PDE3A: variants seen among roughly 807,000 people sequenced by gnomAD.
PDE3A encodes cGMP-inhibited 3',5'-cyclic phosphodiesterase 3A.
In PDE3A, 43 loss-of-function variants were observed where a neutral mutation model predicts 98.3. The observed-to-expected ratio is 0.44, with a 90% confidence interval of 0.34 to 0.56. The LOEUF is 0.56. Ranked by LOEUF, PDE3A falls within the 20% of genes least tolerant of loss-of-function variation. The probability of loss-of-function intolerance (pLI) is 0.01; values close to 1 mark genes in which losing one functional copy is unlikely to be tolerated. For synonymous variants in PDE3A, 663 were observed against 567.9 expected (o/e 1.17, Z -2.38); for missense variants, 1,427 against 1,440.7 (o/e 0.99, Z 0.15).
intron 1 of PDE3A, among the ~76,000 whole-genome samples, chr12:20,401,176 C>T (rs4762954): frequency 0.55 from 83,433 of 151,944 alleles, 23,088 homozygotes; most frequent in East Asian, 0.64. Flanking sequence ...CGTATCACTT[C>T]GTAGTTGGAT....
At chr12:20,482,940 T>A (rs1945656650) in intron 1 of PDE3A, among the ~76,000 whole-genome samples, 1 of 152,216 alleles carries the variant, frequency 6.6e-6, no homozygotes, top group African/African-American at 2.4e-5. Context: ...AAGTACGATA[T>A]GACGTAGGAA....
At chr12:20,587,648 T>C (rs570103747) in intron 2 of PDE3A, among the ~76,000 whole-genome samples, 36 of 152,330 alleles carry the variant, frequency 2.4e-4, no homozygotes, top group African/African-American at 8.4e-4. Flanking sequence ...TCGGAAAATA[T>C]ATAAATGTAC....
intron 5 of PDE3A, among the ~76,000 whole-genome samples, chr12:20,622,421 T>C (rs1434507958): frequency 6.6e-6 from 1 of 152,200 alleles, no homozygotes; most frequent in Non-Finnish European, 1.5e-5. Flanking sequence ...CTCAGAATTG[T>C]GTGCTTTGCC....
chr12:20,484,327 T>TAAG (rs955650470), intron 1 of PDE3A, among the ~76,000 whole-genome samples: 2 of 152,226 alleles, frequency 1.3e-5, no homozygotes. Flanking sequence ...AATTTTTATA[T>TAAG]AAGGTTTTTC....
intron 1 of PDE3A, among the ~76,000 whole-genome samples, chr12:20,525,593 C>G (rs182634546): frequency 6.6e-6 from 1 of 152,102 alleles, no homozygotes; most frequent in Non-Finnish European, 1.5e-5. Context: ...GTGTCAGTCA[C>G]TATTTCAGAA....
chr12:20,502,829 C>A (rs1029988928), intron 1 of PDE3A, among the ~76,000 whole-genome samples: 11 of 152,140 alleles, frequency 7.2e-5, no homozygotes, highest in Non-Finnish European at 1.5e-5. Flanking sequence ...GACATTCACT[C>A]CTGCCAATAG....
Position 20,528,443 on chromosome 12 carries a change from G to A in PDE3A, c.961-28217G>A, listed in dbSNP as rs182385250. On this transcript the variant is annotated intron_variant, in intron 1 of 15. Coordinates refer to ENST00000359062, the MANE Select transcript of PDE3A (RefSeq NM_000921.5). ...GAATCAGAGGCACAAGGACAGAGAA[G>A]TTCAACCTAGTGGAGAGCCAAGGTA... 1.6e-3 allele frequency among the ~76,000 whole-genome samples: 238 copies of A among 152,326 alleles called. 3 individuals are homozygous for A. Among genetic ancestry groups the A allele is most frequent in the Middle Eastern group, 6.8e-3 (2 of 294 alleles).
At position 20,455,302 on chromosome 12, in the gene PDE3A, G is replaced by T. The variant is rs1025267801; in HGVS notation, c.960+85058G>T. Among the ~76,000 whole-genome samples, 3 of 152,038 alleles carry T rather than the reference G, an allele frequency of 2.0e-5. 1 individual carries two copies. The South Asian group carries it at 6.2e-4, about 32-fold the overall frequency. ...TCATGTTCTTTGCCCACTTTTTAAT[G>T]GAGTTGTTTGTTCTTTTCTTGTGAG... is the stretch of plus-strand genomic sequence containing the variant. On this transcript the variant is annotated intron_variant, in intron 1 of 15. Transcript: ENST00000359062.
intron 1 of PDE3A, among the ~76,000 whole-genome samples, chr12:20,384,455 T>C (rs549512549): frequency 2.0e-5 from 3 of 152,120 alleles, no homozygotes; most frequent in Non-Finnish European, 4.4e-5. Context: ...TCAATTTGTG[T>C]CATTCACATG....
intron 15 of PDE3A, among the ~76,000 whole-genome samples, chr12:20,655,833 G>A (rs552135788): frequency 3.9e-5 from 6 of 152,206 alleles, no homozygotes; most frequent in East Asian, 3.9e-4. Flanking sequence ...GACATAGGGC[G>A]GTCAGTTAGG....
intron 1 of PDE3A, among the ~76,000 whole-genome samples, chr12:20,424,539 T>A (rs1223366462): frequency 6.6e-6 from 1 of 152,182 alleles, no homozygotes; most frequent in Non-Finnish European, 1.5e-5. Context: ...TAATATAGAT[T>A]CACAGATGAA....
intron 2 of PDE3A, among the ~76,000 whole-genome samples, chr12:20,566,514 G>T (rs1048746827): frequency 2.7e-5 from 4 of 147,134 alleles, no homozygotes; most frequent in East Asian, 2.2e-4. Flanking sequence ...ACTTAAAAGG[G>T]TATTTTTTTT....
At chr12:20,515,725 T>G in intron 1 of PDE3A, among the ~76,000 whole-genome samples, 1 of 149,988 alleles carries the variant, frequency 6.7e-6, no homozygotes, top group Non-Finnish European at 1.5e-5. Context: ...TTTATTTATT[T>G]ATTTATTTAT....
chr12:20,449,073 G>A lies in PDE3A; in HGVS notation c.960+78829G>A, dbSNP rs369600131. 1.6e-4 allele frequency among the ~76,000 whole-genome samples: 25 copies of A among 152,208 alleles called. No individual in the cohort carries two copies. In the East Asian group the frequency reaches 2.7e-3, roughly 16 times the overall value. ...AAAGCTACTTTGTAAAAGCAATGCC[G>A]TAGCTAAAAAAATGTATTGCATAGC... On this transcript the variant is annotated intron_variant, in intron 1 of 15. Coordinates refer to ENST00000359062, the MANE Select transcript of PDE3A (RefSeq NM_000921.5).
Position 20,552,351 on chromosome 12 carries a change from C to T in PDE3A, c.961-4309C>T, listed in dbSNP as rs534138732. 4.3e-6 allele frequency: 7 copies of T among 1,613,670 alleles called. No individual in the cohort carries two copies. The highest frequency in any genetic ancestry group is 2.2e-5 in the South Asian group (2 of 91,048). On this transcript the variant is annotated intron_variant, in intron 1 of 15. Coordinates refer to ENST00000359062, the MANE Select transcript of PDE3A (RefSeq NM_000921.5). This position sits in a 1 kb window ranked among gnomAD's most constrained non-coding sequence, Gnocchi z 5.1. ...CCGAGAAGGGGAAGTCCGGGTTTCT[C>T]GTGTGGCGCTACCTTCTGCGGAGGG... is the stretch of plus-strand genomic sequence containing the variant.
At chr12:20,618,898 C>T (rs530335722) in intron 4 of PDE3A, among the ~76,000 whole-genome samples, 21 of 152,026 alleles carry the variant, frequency 1.4e-4, no homozygotes, top group Admixed American at 1.1e-3. Flanking sequence ...GGAGTCATTA[C>T]GGGGATAATA....
chr12:20,618,887 T>C (rs1213044190), intron 4 of PDE3A, among the ~76,000 whole-genome samples: 1 of 151,972 alleles, frequency 6.6e-6, no homozygotes, highest in Non-Finnish European at 1.5e-5. Context: ...GGACTTAGAA[T>C]GGAGTCATTA....
intron 1 of PDE3A, among the ~76,000 whole-genome samples, chr12:20,459,139 A>G (rs543347555): frequency 2.0e-5 from 3 of 152,260 alleles, no homozygotes; most frequent in South Asian, 4.1e-4. Context: ...TACATCTGTT[A>G]TTTATAATTT....
At chr12:20,636,448 T>C (rs1161045085) in intron 8 of PDE3A, among the ~76,000 whole-genome samples, 1 of 152,220 alleles carries the variant, frequency 6.6e-6, no homozygotes, top group Non-Finnish European at 1.5e-5. Flanking sequence ...AAATGTACTC[T>C]TAAGAACATC....
Sources: allele counts gnomAD v4.1 joint callset (sites outside exome capture counted in the v4.1 genomes callset), GRCh38; gene constraint gnomAD v4.1.1; non-coding constraint Gnocchi (gnomAD v3.1); transcripts MANE v1.5; gene names NCBI Gene and HGNC (gene_info 2026-07-23, HGNC 2026-07-21).